DRC8: variants seen among roughly 807,000 people sequenced by gnomAD.
The protein encoded by DRC8 is dynein regulatory complex subunit 8, also known as dynein regulatory complex protein 8.
At chr1:245,050,838 C>G in the DRC8 span, among the ~76,000 whole-genome samples, 7 of 151,900 alleles carry the variant, frequency 4.6e-5, no homozygotes, top group Admixed American at 4.6e-4. Context: ...TCTTTTTGTC[C>G]AGATCTAAGA....
chr1:244,984,165 G>C, the DRC8 span, among the ~76,000 whole-genome samples: 2 of 151,986 alleles, frequency 1.3e-5, no homozygotes, highest in Admixed American at 1.3e-4. Flanking sequence ...CCCATCTCTG[G>C]TGGGTCTTCC....
the DRC8 span, among the ~76,000 whole-genome samples, chr1:244,973,599 C>G: frequency 6.6e-6 from 1 of 152,156 alleles, no homozygotes. Context: ...CGGTAAGATA[C>G]ATTCTTCTAT....
chr1:245,091,974 C>T, the DRC8 span, among the ~76,000 whole-genome samples: 2 of 152,340 alleles, frequency 1.3e-5, no homozygotes, highest in East Asian at 1.9e-4. Flanking sequence ...GCCTGCCATA[C>T]CCCACAGCTT....
the DRC8 span, among the ~76,000 whole-genome samples, chr1:245,090,012 A>T: frequency 6.6e-6 from 1 of 152,164 alleles, no homozygotes; most frequent in Non-Finnish European, 1.5e-5. Context: ...GTTGAGAAAG[A>T]GCCCATGTAA....
chr1:245,015,709 C>CAA, the DRC8 span: 75 of 200,060 alleles, frequency 3.7e-4, no homozygotes, highest in South Asian at 6.6e-4. Flanking sequence ...GACTCTGTCT[C>CAA]AAAAAAAAAA....
At chr1:245,020,782 G>T in the DRC8 span, among the ~76,000 whole-genome samples, 24 of 150,990 alleles carry the variant, frequency 1.6e-4, no homozygotes, top group African/African-American at 5.8e-4. Context: ...ACCACGCCCG[G>T]CTAATTTTCG....
At chr1:244,988,835 C>A in the DRC8 span, among the ~76,000 whole-genome samples, 2 of 152,128 alleles carry the variant, frequency 1.3e-5, no homozygotes, top group African/African-American at 4.8e-5. Context: ...CAGGTGGTAA[C>A]CCTCAAAACA....
chr1:245,109,578 C>T, the DRC8 span, among the ~76,000 whole-genome samples: 7 of 152,198 alleles, frequency 4.6e-5, 1 homozygote, highest in African/African-American at 1.7e-4. Context: ...TAATACTGGC[C>T]GCACGTACTG....
the DRC8 span, among the ~76,000 whole-genome samples, chr1:245,118,785 G>A: frequency 8.2e-6 from 1 of 122,424 alleles, no homozygotes; most frequent in African/African-American, 2.9e-5. Context: ...AGAGCAAAAC[G>A]CCATCTCAAA....
chr1:244,987,325 C>T, the DRC8 span, among the ~76,000 whole-genome samples: 1 of 151,828 alleles, frequency 6.6e-6, no homozygotes, highest in African/African-American at 2.4e-5. Flanking sequence ...CTCCGCCTTC[C>T]GAGTAGCTGA....
chr1:244,988,085 T>C, the DRC8 span, among the ~76,000 whole-genome samples: 1 of 152,248 alleles, frequency 6.6e-6, no homozygotes, highest in Non-Finnish European at 1.5e-5. Context: ...AGTTTTTTAG[T>C]CTTTGCAGCA....
the DRC8 span, among the ~76,000 whole-genome samples, chr1:245,037,745 G>T: frequency 6.6e-6 from 1 of 151,938 alleles, no homozygotes; most frequent in Non-Finnish European, 1.5e-5. Context: ...GAAACCTCAA[G>T]AAAATAAATG....
chr1:244,983,989 C>T, the DRC8 span, among the ~76,000 whole-genome samples: 243 of 152,046 alleles, frequency 1.6e-3, no homozygotes, highest in Middle Eastern at 3.4e-3. Context: ...GGGTTTCTCT[C>T]TGTCATCCAG....
At chr1:245,031,269 G>A in the DRC8 span, among the ~76,000 whole-genome samples, 1 of 151,886 alleles carries the variant, frequency 6.6e-6, no homozygotes, top group Non-Finnish European at 1.5e-5. Flanking sequence ...GTCTAATTCT[G>A]TTTCCTCTCC....
chr1:245,030,833 A>T, the DRC8 span: 3 of 152,312 alleles, frequency 2.0e-5, no homozygotes, highest in African/African-American at 7.2e-5. Context: ...CAAGGAAAAA[A>T]GAAGAAAAGT....
the DRC8 span, among the ~76,000 whole-genome samples, chr1:245,089,607 G>A: frequency 6.6e-6 from 1 of 152,160 alleles, no homozygotes; most frequent in Non-Finnish European, 1.5e-5. This position sits in a 1 kb window ranked among gnomAD's most constrained non-coding sequence, Gnocchi z 4.8. Flanking sequence ...GCAATGGAGA[G>A]TTCATTGAGG....
At chr1:245,014,768 T>G in the DRC8 span, among the ~76,000 whole-genome samples, 60 of 152,180 alleles carry the variant, frequency 3.9e-4, no homozygotes, top group South Asian at 1.0e-3. Flanking sequence ...GGCAAGGTGC[T>G]TAGCCTCTCT....
At chr1:245,039,904 CTGA>C in the DRC8 span, among the ~76,000 whole-genome samples, 1 of 152,162 alleles carries the variant, frequency 6.6e-6, no homozygotes, top group African/African-American at 2.4e-5. Flanking sequence ...TGCTTTAGTA[CTGA>C]TGATGTTAAC....
chr1:245,092,053 C>T, the DRC8 span, among the ~76,000 whole-genome samples: 6 of 152,222 alleles, frequency 3.9e-5, no homozygotes, highest in Admixed American at 6.5e-5. Context: ...CAGGACCCGA[C>T]ACACAGGCCT....
Sources: gnomAD v4.1 joint callset for allele counts (sites outside exome capture counted in the v4.1 genomes callset) on GRCh38, gnomAD v4.1.1 for gene constraint, Gnocchi (gnomAD v3.1) non-coding constraint, MANE v1.5 for transcripts, NCBI Gene and HGNC (gene_info 2026-07-23, HGNC 2026-07-21) for gene names.